The following TBC1D15 variants were observed in gnomAD, a reference collection of about 807,000 sequenced individuals.
TBC1D15 encodes the protein GAP for RAB7.
In TBC1D15, 39 loss-of-function variants were observed where a neutral mutation model predicts 95.4. The ratio of observed to expected loss-of-function variants is 0.41; its 90% CI spans 0.32 to 0.53. TBC1D15 has a LOEUF of 0.53. Among genes scored for constraint, TBC1D15 ranks in the 20% least tolerant of loss-of-function variants. TBC1D15 has a pLI of 0.29. For missense variants in TBC1D15, 733 were observed against 794.3 expected (o/e 0.92, Z 0.93); for synonymous variants, 258 against 261.3 (o/e 0.99, Z 0.12).
chr12:71,858,935 A>G (rs1010483619), intron 1 of TBC1D15, among the ~76,000 whole-genome samples: 5 of 150,336 alleles, frequency 3.3e-5, no homozygotes, highest in Non-Finnish European at 5.9e-5. Flanking sequence ...CCAGCAGTGT[A>G]TAAGAGTTAT....
chr12:71,872,482 G>A (rs1892902884), intron 2 of TBC1D15, among the ~76,000 whole-genome samples: 1 of 152,108 alleles, frequency 6.6e-6, no homozygotes, highest in Non-Finnish European at 1.5e-5. Context: ...CTACAGTTGG[G>A]CAAAATTATC....
chr12:71,878,247 A>ATTTTGAT (rs1555199655), intron 3 of TBC1D15, among the ~76,000 whole-genome samples: 1 of 151,932 alleles, frequency 6.6e-6, no homozygotes, highest in African/African-American at 2.4e-5. Flanking sequence ...ATTGTGTTTG[A>ATTTTGAT]TTTTTCCTAA....
intron 10 of TBC1D15, among the ~76,000 whole-genome samples, chr12:71,900,978 G>C (rs1431450611): frequency 6.6e-6 from 1 of 152,170 alleles, no homozygotes; most frequent in East Asian, 1.9e-4. Flanking sequence ...TGGGAAGAGA[G>C]GAAGAGCAAC....
chr12:71,896,799 T>G lies in TBC1D15; in HGVS notation c.1088+19T>G, dbSNP rs1898276238. 6.3e-7 allele frequency: 1 copy of G among 1,589,056 alleles called. No individual in the cohort carries two copies. Among genetic ancestry groups the G allele is most frequent in the Non-Finnish European group, 8.6e-7 (1 of 1,160,482 alleles). On this transcript the variant is annotated intron_variant, in intron 9 of 16. Transcript: ENST00000485960. ...AAAAAACGTAAGTAATGGTCTTTCG[T>G]ACATTTATCAAAGAGATTCAAGTAA...
At chr12:71,840,283 G>C (rs563714296) in intron 1 of TBC1D15, among the ~76,000 whole-genome samples, 25 of 152,316 alleles carry the variant, frequency 1.6e-4, no homozygotes, top group Middle Eastern at 3.4e-3. Context: ...TAGGCAGCTA[G>C]CTGTGCGCTT....
At chr12:71,896,221 T>C in intron 8 of TBC1D15, 146 bp downstream of exon 8, 1 of 701,746 alleles carries the variant, frequency 1.4e-6, no homozygotes, top group South Asian at 2.4e-5. Context: ...TGAACTCTGT[T>C]ATTTCTTTGA....
intron 14 of TBC1D15, among the ~76,000 whole-genome samples, chr12:71,919,710 TG>T (rs1406312428): frequency 6.6e-6 from 1 of 152,208 alleles, no homozygotes; most frequent in Admixed American, 6.5e-5. Context: ...AATGGGTTAA[TG>T]TATTTATGCC....
At chr12:71,896,282 A>T in intron 8 of TBC1D15, 1 of 465,482 alleles carries the variant, frequency 2.1e-6, no homozygotes, top group Non-Finnish European at 3.7e-6. Flanking sequence ...TGAGGTGCTT[A>T]TGATGTTCCT....
chr12:71,872,787 A>G (rs1892962330), intron 2 of TBC1D15, 142 bp from the exon 3 acceptor site: 2 of 539,252 alleles, frequency 3.7e-6, no homozygotes, highest in Non-Finnish European at 6.3e-6. Flanking sequence ...TCTATGTAAC[A>G]TTTTTGATTT....
At chr12:71,922,179 A>G (rs1029460414) in intron 16 of TBC1D15, among the ~76,000 whole-genome samples, 2 of 151,988 alleles carry the variant, frequency 1.3e-5, no homozygotes, top group African/African-American at 4.8e-5. Context: ...TCTCCTCCTG[A>G]GTTCAGTCGA....
intron 1 of TBC1D15, among the ~76,000 whole-genome samples, chr12:71,859,473 CTT>C (rs1353147875): frequency 6.6e-6 from 1 of 151,634 alleles, no homozygotes; most frequent in African/African-American, 2.4e-5. Flanking sequence ...TGTTTTTGCT[CTT>C]GTTGCCAGTG....
chr12:71,905,256 T>C (rs1227311930), intron 10 of TBC1D15, among the ~76,000 whole-genome samples: 1 of 152,222 alleles, frequency 6.6e-6, no homozygotes. Flanking sequence ...TATGGTAATA[T>C]AAATTATGCT....
At chr12:71,843,228 C>T (rs1006622402) in intron 1 of TBC1D15, among the ~76,000 whole-genome samples, 1 of 152,064 alleles carries the variant, frequency 6.6e-6, no homozygotes, top group African/African-American at 2.4e-5. Context: ...TGAGATTGTG[C>T]CACTTGTTCA....
chr12:71,864,761 TC>T (rs1190439604), intron 1 of TBC1D15, among the ~76,000 whole-genome samples: 3 of 152,220 alleles, frequency 2.0e-5, no homozygotes, highest in African/African-American at 4.8e-5. Context: ...TGCCTTGGCC[TC>T]CCAAACTGCT....
chr12:71,923,393 T>G lies in TBC1D15; in HGVS notation c.*189T>G, dbSNP rs1018420972. Reference sequence around the variant, plus strand: ...TATTTTTGTAGTTACTTCTACCAAATAGCCTTTCCTTTTCGATAACATTCC... The same window carrying G: ...TATTTTTGTAGTTACTTCTACCAAAGAGCCTTTCCTTTTCGATAACATTCC... On this transcript the variant is annotated 3_prime_UTR_variant, in exon 17 of 17. Coordinates refer to ENST00000485960, the MANE Select transcript of TBC1D15 (RefSeq NM_001146213.3). The G allele has an allele frequency of 1.9e-6, 1 of 528,318 alleles. No individual in the cohort carries two copies. Among genetic ancestry groups the G allele is most frequent in the African/African-American group, 1.9e-5 (1 of 52,628 alleles). 32.7% of individuals were successfully genotyped at this position (528,318 alleles called of 1,614,324 possible).
chr12:71,855,667 C>CAAA (rs1161851924), intron 1 of TBC1D15, among the ~76,000 whole-genome samples: 1 of 41,346 alleles, frequency 2.4e-5, no homozygotes, highest in African/African-American at 7.0e-5. Context: ...GACTCCATCT[C>CAAA]AAAAAAAAAA....
rs112529850 is a variant in TBC1D15 at position 71,887,311 on chromosome 12, G to A, written c.554+2290G>A. Among the ~76,000 whole-genome samples the A allele has an allele frequency of 7.1e-3, 954 of 135,304 alleles. 14 individuals carry two copies. Among genetic ancestry groups the A allele is most frequent in the Non-Finnish European group, 8.6e-3 (544 of 62,984 alleles). The allele number at this position is 135,304 out of a possible 152,430, so 88.8% of individuals were successfully genotyped here. On this transcript the variant is annotated intron_variant, in intron 5 of 16. Transcript: ENST00000485960. ...AGAAAATACTATTCTGTATTGAAGAGATAACCAGTGTAAGGAAGGGGATCA... is the reference window on the plus strand; with the variant it reads ...AGAAAATACTATTCTGTATTGAAGAAATAACCAGTGTAAGGAAGGGGATCA...
At chr12:71,867,249 C>T (rs189846466) in intron 1 of TBC1D15, among the ~76,000 whole-genome samples, 13 of 152,278 alleles carry the variant, frequency 8.5e-5, no homozygotes, top group Admixed American at 7.2e-4. Flanking sequence ...CTGTTGTCCT[C>T]TAGGGAAGCC....
chr12:71,883,644 A>T (rs1311338864), intron 4 of TBC1D15, among the ~76,000 whole-genome samples: 4 of 152,142 alleles, frequency 2.6e-5, no homozygotes, highest in African/African-American at 9.7e-5. Context: ...CTAGTCTTGT[A>T]AGCAACTTCC....
Sources: allele counts gnomAD v4.1 joint callset (sites outside exome capture counted in the v4.1 genomes callset), GRCh38; gene constraint gnomAD v4.1.1; transcripts MANE v1.5; gene names NCBI Gene and HGNC (gene_info 2026-07-23, HGNC 2026-07-21).